Variants in PLCE1 observed in about 807,000 individuals in gnomAD.
PLCE1 encodes phospholipase C epsilon 1, also known as 1-phosphatidylinositol 4,5-bisphosphate phosphodiesterase epsilon-1.
In PLCE1, 119 loss-of-function variants were observed where a neutral mutation model predicts 242.8. The ratio of observed to expected loss-of-function variants is 0.49; its 90% CI spans 0.42 to 0.57. The LOEUF is 0.57. Among genes scored for constraint, PLCE1 ranks in the 20% least tolerant of loss-of-function variants. The pLI, the probability that PLCE1 is intolerant of heterozygous loss-of-function variation, is 0.00. For synonymous variants in PLCE1, 945 were observed against 1,017.4 expected, an observed-to-expected ratio of 0.93 and a Z score of 1.35; for missense variants, 2,441 against 2,788.8, an observed-to-expected ratio of 0.88 and a Z score of 2.81.
intron 3 of PLCE1, among the ~76,000 whole-genome samples, chr10:94,168,808 T>C (rs990978262): frequency 2.6e-5 from 4 of 152,214 alleles, no homozygotes; most frequent in Non-Finnish European, 5.9e-5. Flanking sequence ...TAGAGTTGGT[T>C]ACTTCTGAGA....
chr10:94,157,473 C>T (rs2047469607), intron 3 of PLCE1, among the ~76,000 whole-genome samples: 1 of 152,146 alleles, frequency 6.6e-6, no homozygotes, highest in Non-Finnish European at 1.5e-5. Flanking sequence ...ATGTGAGTCC[C>T]AAGATCCCAC....
At chr10:94,236,760 A>G (rs1187194212) in intron 7 of PLCE1, among the ~76,000 whole-genome samples, 1 of 152,174 alleles carries the variant, frequency 6.6e-6, no homozygotes, top group Non-Finnish European at 1.5e-5. Context: ...ACAGGTTGCT[A>G]ACATTAGTGG....
At chr10:94,251,862 G>C (rs2050887473) in intron 8 of PLCE1, among the ~76,000 whole-genome samples, 1 of 152,160 alleles carries the variant, frequency 6.6e-6, no homozygotes, top group African/African-American at 2.4e-5. Context: ...TGTATTTCAA[G>C]TCCGACTGTC....
At chr10:94,078,891 G>C (rs2044579069) in intron 2 of PLCE1, among the ~76,000 whole-genome samples, 1 of 152,168 alleles carries the variant, frequency 6.6e-6, no homozygotes, top group South Asian at 2.1e-4. Flanking sequence ...ACCTCTAGGA[G>C]GTAGTCTTTT....
rs549659993 is a variant in PLCE1 at position 94,049,576 on chromosome 10, C to CCTGT, written c.1206+17347_1206+17350dup. ...TTACTATTCCTGGCCCTTTAGTTAC[C>CCTGT]CTGTCTGTCTGTCTGTCTGTCTGTC... is the stretch of plus-strand genomic sequence containing the variant. On this transcript the variant is annotated intron_variant, in intron 2 of 32. Coordinates refer to ENST00000371380, the MANE Select transcript of PLCE1 (RefSeq NM_016341.4). Among the ~76,000 whole-genome samples, 867 of 152,020 alleles carry CCTGT rather than the reference C, an allele frequency of 5.7e-3. 3 individuals are homozygous for CCTGT. The highest frequency in any genetic ancestry group is 0.011 in the African/African-American group (460 of 41,406).
At chr10:94,025,855 A>G (rs971260527) in intron 1 of PLCE1, among the ~76,000 whole-genome samples, 6 of 152,198 alleles carry the variant, frequency 3.9e-5, no homozygotes, top group Admixed American at 3.9e-4. Context: ...CATTTCATTA[A>G]TTCATTATTT....
At position 94,226,833 on chromosome 10, in the gene PLCE1, T is replaced by TC. The variant is rs1564806315; in HGVS notation, c.1810-473_1810-472insC. Among the ~76,000 whole-genome samples, 522 of 87,984 alleles carry TC rather than the reference T, an allele frequency of 5.9e-3. 33 individuals are homozygous for TC. Among genetic ancestry groups the TC allele is most frequent in the African/African-American group, 0.019 (442 of 23,626 alleles). The allele number at this position is 87,984 out of a possible 152,430, so 57.7% of individuals were successfully genotyped here. ...TAAGAGATTAAGGACCTATAGGTCT[T>TC]TTTTTTTTTTTTTTTTTTTTTTTTG... On this transcript the variant is annotated intron_variant, in intron 4 of 32. Coordinates refer to ENST00000371380, the MANE Select transcript of PLCE1 (RefSeq NM_016341.4).
chr10:94,323,700 A>G (rs923213525), intron 30 of PLCE1, among the ~76,000 whole-genome samples: 3 of 152,236 alleles, frequency 2.0e-5, no homozygotes, highest in Non-Finnish European at 2.9e-5. Context: ...AACTTAGTTA[A>G]TATTAGCCAT....
intron 2 of PLCE1, among the ~76,000 whole-genome samples, chr10:94,060,228 T>C (rs369806040): frequency 6.6e-6 from 1 of 152,080 alleles, no homozygotes; most frequent in East Asian, 1.9e-4. Context: ...GAAATACTCA[T>C]GCTACTTATT....
At position 94,251,496 on chromosome 10, in the gene PLCE1, A is replaced by G. The variant is rs3758531; in HGVS notation, c.3097-820A>G. 7.0e-4 allele frequency among the ~76,000 whole-genome samples: 107 copies of G among 152,356 alleles called. No individual in the cohort carries two copies. In the East Asian group the frequency reaches 0.018, roughly 26 times the overall value. ...ACAGTACATGGAAATTAATTTTTAA[A>G]GAGCCCGCTTATACAGTGTATGAAA... On this transcript the variant is annotated intron_variant, in intron 8 of 32. Transcript: ENST00000371380.
At chr10:94,229,456 G>T (rs574875201) in intron 5 of PLCE1, among the ~76,000 whole-genome samples, 1 of 152,036 alleles carries the variant, frequency 6.6e-6, no homozygotes, top group Admixed American at 6.6e-5. Flanking sequence ...TGATAGCCTT[G>T]GGAATCATAC....
chr10:94,154,933 C>A (rs918790653), intron 3 of PLCE1, among the ~76,000 whole-genome samples: 10 of 135,694 alleles, frequency 7.4e-5, no homozygotes, highest in Non-Finnish European at 1.6e-4. Context: ...TATAAGGTAC[C>A]ACTTCACCCA....
chr10:94,051,382 G>A (rs879690884), intron 2 of PLCE1, among the ~76,000 whole-genome samples: 14 of 149,796 alleles, frequency 9.3e-5, no homozygotes, highest in Non-Finnish European at 1.5e-4. Context: ...TGTAAGAACC[G>A]TGCATGAAGA....
chr10:94,262,484 T>C lies in PLCE1; in HGVS notation c.3815-10T>C, dbSNP rs1321529082. ...TATCTTGTCCATGTACTGTGGTGATTCTGTTTCAGATCTGTTGACCAGAAA... is the reference window on the plus strand; with the variant it reads ...TATCTTGTCCATGTACTGTGGTGATCCTGTTTCAGATCTGTTGACCAGAAA... On this transcript the variant is annotated splice_polypyrimidine_tract_variant and intron_variant, in intron 13 of 32. Transcript: ENST00000371380. 6.4e-7 allele frequency: 1 copy of C among 1,566,904 alleles called. No homozygotes were observed. The highest frequency in any genetic ancestry group is 8.8e-7 in the Non-Finnish European group (1 of 1,137,118).
At chr10:94,071,494 C>CTTTTTTT (rs2044351149) in intron 2 of PLCE1, among the ~76,000 whole-genome samples, 1 of 69,210 alleles carries the variant, frequency 1.4e-5, no homozygotes, top group Non-Finnish European at 2.4e-5. Context: ...GTTTGGTTTT[C>CTTTTTTT]GTTTTTTTTT....
chr10:94,196,801 C>T (rs920029097), intron 4 of PLCE1, among the ~76,000 whole-genome samples: 12 of 152,050 alleles, frequency 7.9e-5, no homozygotes, highest in Non-Finnish European at 1.6e-4. Context: ...TTGCCTGTTG[C>T]TTTCTGTTTG....
chr10:94,120,999 T>G (rs1370748123), intron 2 of PLCE1: 5 of 151,986 alleles, frequency 3.3e-5, no homozygotes, highest in African/African-American at 9.7e-5. Context: ...AGCAGAGAAG[T>G]GAGTGAAAGG....
chr10:94,182,280 A>AT (rs1409847372), intron 4 of PLCE1, among the ~76,000 whole-genome samples: 1 of 151,218 alleles, frequency 6.6e-6, no homozygotes, highest in Non-Finnish European at 1.5e-5. Flanking sequence ...ATTTTATTTT[A>AT]TTTTTTGAGA....
At chr10:94,308,555 C>T (rs1185774408) in intron 26 of PLCE1, 26 bp from the exon 27 acceptor site, 5 of 1,480,520 alleles carry the variant, frequency 3.4e-6, no homozygotes, top group Non-Finnish European at 9.4e-7. Context: ...GGTTAACAAG[C>T]TTTTCCCAAT....
Sources: allele counts gnomAD v4.1 joint callset (sites outside exome capture counted in the v4.1 genomes callset), GRCh38; gene constraint gnomAD v4.1.1; transcripts MANE v1.5; gene names NCBI Gene and HGNC (gene_info 2026-07-23, HGNC 2026-07-21).